The following BACH2 variants were observed in gnomAD, a reference collection of about 807,000 sequenced individuals.
The protein encoded by BACH2 is BACH transcriptional regulator 2.
Under a neutral mutation model 61.8 loss-of-function variants are expected in BACH2, and 5 were observed. The ratio of observed to expected loss-of-function variants is 0.08; its 90% CI spans 0.04 to 0.17. BACH2 has a LOEUF of 0.17. Among genes scored for constraint, BACH2 ranks in the 10% least tolerant of loss-of-function variants. BACH2 has a pLI of 1.00. For missense variants in BACH2, 824 were observed against 1,091.1 expected (o/e 0.76, Z 3.45); for synonymous variants, 446 against 440.1 (o/e 1.01, Z -0.17).
intron 4 of BACH2, chr6:90,116,599 C>T (rs1783410850): frequency 4.7e-6 from 1 of 212,062 alleles, no homozygotes; most frequent in Non-Finnish European, 9.9e-6. Flanking sequence ...CACATTTACC[C>T]CCAAACCTAA....
intron 7 of BACH2, among the ~76,000 whole-genome samples, chr6:89,947,379 A>G (rs1773788982): frequency 1.3e-5 from 2 of 152,184 alleles, no homozygotes; most frequent in Non-Finnish European, 2.9e-5. Flanking sequence ...TCCCTGAGAC[A>G]GTTCTTGGAA....
At chr6:90,069,589 C>T (rs749803800) in intron 5 of BACH2, among the ~76,000 whole-genome samples, 46 of 151,880 alleles carry the variant, frequency 3.0e-4, no homozygotes, top group Non-Finnish European at 5.6e-4. Context: ...AAAATGTTAA[C>T]GTAGAAAAAA....
At chr6:90,256,254 G>A (rs1345408993) in intron 2 of BACH2, among the ~76,000 whole-genome samples, 3 of 152,172 alleles carry the variant, frequency 2.0e-5, no homozygotes, top group Non-Finnish European at 4.4e-5. Context: ...ACGTTTTCCA[G>A]CCTCCTTTGC....
At position 90,008,747 on chromosome 6, in the gene BACH2, T is replaced by C; in HGVS notation, c.98A>G (p.Lys33Arg). Reference sequence around the variant, plus strand: ...CAAAGTCACGTCACAGAGAATATCCTTTTTCCGCTGGTCATTGAGGCCCAG... The same window carrying C: ...CAAAGTCACGTCACAGAGAATATCCCTTTTCCGCTGGTCATTGAGGCCCAG... ...ILLGLNDQRKKDILCDVTLIV... is the reference protein window; with the variant it reads ...ILLGLNDQRKRDILCDVTLIV... Residue 33 changes from lysine to arginine, a missense_variant, in exon 6 of 9, where the codon AAG becomes AGG. Physicochemically the swap from Lys to Arg is conservative, Grantham distance 26. Coordinates refer to ENST00000257749, the MANE Select transcript of BACH2 (RefSeq NM_021813.4). The surrounding 1 kb of genome is among the most constrained non-coding windows in gnomAD (Gnocchi z 4.1). The C allele has an allele frequency of 4.3e-6, 7 of 1,614,176 alleles. No homozygotes were observed. The highest frequency in any genetic ancestry group is 5.9e-6 in the Non-Finnish European group (7 of 1,180,020).
At chr6:90,118,002 A>G (rs1382223045) in intron 4 of BACH2, among the ~76,000 whole-genome samples, 1 of 152,158 alleles carries the variant, frequency 6.6e-6, no homozygotes, top group Non-Finnish European at 1.5e-5. Flanking sequence ...AGTATTCTGC[A>G]GTGTTTATTG....
At position 90,140,092 on chromosome 6, in the gene BACH2, T is replaced by C. The variant is rs1324953648; in HGVS notation, c.-161-50983A>G. Among the ~76,000 whole-genome samples, 3 of 152,152 alleles carry C rather than the reference T, an allele frequency of 2.0e-5. No individual in the cohort carries two copies. The South Asian group carries it at 6.2e-4, about 32-fold the overall frequency. On this transcript the variant is annotated intron_variant, in intron 4 of 8. Coordinates refer to ENST00000257749, the MANE Select transcript of BACH2 (RefSeq NM_021813.4). ...TCCAAGTCTAAAATGATGCTGGTGC[T>C]CCAGCCATCACACTCATGTTCCAAG... is the stretch of plus-strand genomic sequence containing the variant.
Position 90,100,726 on chromosome 6 carries a change from C to CACACACACACACACACAT in BACH2, c.-161-11618_-161-11617insATGTGTGTGTGTGTGTGT, listed in dbSNP as rs1342141921. On this transcript the variant is annotated intron_variant, in intron 4 of 8. Transcript: ENST00000257749. ...AGACACACACACACACACACACACA[C>CACACACACACACACACAT]AGACACACACACACACACACACACC... Among the ~76,000 whole-genome samples, 31 of 94,402 alleles carry CACACACACACACACACAT rather than the reference C, an allele frequency of 3.3e-4. No homozygotes were observed. In the South Asian group the frequency reaches 0.011, roughly 34 times the overall value. 61.9% of individuals were successfully genotyped at this position (94,402 alleles called of 152,430 possible). A position where few individuals can be genotyped will look rare whatever the true frequency, so the allele number is the denominator to read the frequency against.
chr6:90,080,155 A>G (rs1263966170), intron 5 of BACH2, among the ~76,000 whole-genome samples: 1 of 152,194 alleles, frequency 6.6e-6, no homozygotes, highest in Non-Finnish European at 1.5e-5. Flanking sequence ...TTTTGAAACA[A>G]TGATGGTATT....
At chr6:90,059,816 TC>T in intron 5 of BACH2, among the ~76,000 whole-genome samples, 1 of 151,996 alleles carries the variant, frequency 6.6e-6, no homozygotes, top group Middle Eastern at 3.4e-3. Context: ...TGAGTTCATG[TC>T]CTTTGTAGGG....
chr6:89,947,535 C>G (rs984298431), intron 7 of BACH2, among the ~76,000 whole-genome samples: 2 of 151,966 alleles, frequency 1.3e-5, no homozygotes, highest in Middle Eastern at 3.2e-3. Flanking sequence ...TCTCTTCTTT[C>G]ACTGTTCAGG....
intron 1 of BACH2, among the ~76,000 whole-genome samples, chr6:90,293,988 T>C (rs1347285770): frequency 6.6e-6 from 1 of 152,214 alleles, no homozygotes; most frequent in Non-Finnish European, 1.5e-5. Flanking sequence ...TCCCAGGCAC[T>C]GGTAATACAG....
intron 6 of BACH2, among the ~76,000 whole-genome samples, chr6:89,978,575 C>T (rs1366082562): frequency 6.8e-6 from 1 of 147,552 alleles, no homozygotes; most frequent in Non-Finnish European, 1.5e-5. Flanking sequence ...GGCTGTTTGC[C>T]ATCAGCTGGG....
intron 5 of BACH2, among the ~76,000 whole-genome samples, chr6:90,058,572 C>G (rs1273112381): frequency 6.6e-6 from 1 of 152,044 alleles, no homozygotes; most frequent in Non-Finnish European, 1.5e-5. Flanking sequence ...AGATTCAATG[C>G]CATCCCCATC....
chr6:90,160,856 C>A (rs1242460997), intron 4 of BACH2, among the ~76,000 whole-genome samples: 2 of 152,006 alleles, frequency 1.3e-5, no homozygotes, highest in Non-Finnish European at 2.9e-5. Flanking sequence ...TTTGGGAGGC[C>A]GAGGCCGGTG....
intron 3 of BACH2, among the ~76,000 whole-genome samples, chr6:90,233,081 G>A (rs1008660438): frequency 6.6e-6 from 1 of 152,200 alleles, no homozygotes; most frequent in Non-Finnish European, 1.5e-5. Context: ...AGTTCACAGA[G>A]AAGCTGAAGC....
intron 1 of BACH2, among the ~76,000 whole-genome samples, chr6:90,287,009 AAG>A (rs1562543644): frequency 6.6e-6 from 1 of 152,164 alleles, no homozygotes; most frequent in East Asian, 1.9e-4. Flanking sequence ...TTCCCAGAGA[AAG>A]AGGACTCTTC....
chr6:90,129,901 G>A (rs868615603), intron 4 of BACH2, among the ~76,000 whole-genome samples: 3 of 151,830 alleles, frequency 2.0e-5, no homozygotes, highest in South Asian at 2.1e-4. Flanking sequence ...ACAGAGTCTC[G>A]TTCTGTCACC....
At chr6:89,977,065 T>C (rs974216346) in intron 6 of BACH2, among the ~76,000 whole-genome samples, 4 of 152,202 alleles carry the variant, frequency 2.6e-5, no homozygotes, top group Non-Finnish European at 4.4e-5. Flanking sequence ...TTTTTGCAAT[T>C]TGGCAAATTT....
intron 4 of BACH2, among the ~76,000 whole-genome samples, chr6:90,108,839 G>A (rs953219701): frequency 6.6e-6 from 1 of 152,208 alleles, no homozygotes; most frequent in African/African-American, 2.4e-5. Context: ...ATTGAGGACA[G>A]AGGGATGACC....
Sources: gnomAD v4.1 joint callset for allele counts (sites outside exome capture counted in the v4.1 genomes callset) on GRCh38, gnomAD v4.1.1 for gene constraint, Gnocchi (gnomAD v3.1) non-coding constraint, MANE v1.5 for transcripts, NCBI Gene and HGNC (gene_info 2026-07-23, HGNC 2026-07-21) for gene names.